The following PRR14L variants were observed in gnomAD, a reference collection of about 807,000 sequenced individuals.
PRR14L encodes proline rich 14 like, also known as protein PRR14L.
PRR14L carries 80 observed loss-of-function variants against 155.0 expected under a neutral mutation model. That is an observed-to-expected ratio of 0.52 (90% CI 0.43 to 0.62). PRR14L has a LOEUF of 0.62. PRR14L is among the 20% of genes least tolerant of loss of function. The pLI is 0.00. For synonymous variants in PRR14L, 883 were observed against 916.0 expected (o/e 0.96, Z 0.65); for missense variants, 2,469 against 2,548.0 (o/e 0.97, Z 0.67).
At chr22:31,735,065 T>C (rs1189871860) in intron 2 of PRR14L, among the ~76,000 whole-genome samples, 1 of 152,248 alleles carries the variant, frequency 6.6e-6, no homozygotes, top group South Asian at 2.1e-4. Flanking sequence ...TTTATATCAA[T>C]TAAATTTCAT....
At chr22:31,706,450 A>C (rs1332864965) in intron 4 of PRR14L, among the ~76,000 whole-genome samples, 1 of 115,794 alleles carries the variant, frequency 8.6e-6, no homozygotes, top group Non-Finnish European at 1.8e-5. Flanking sequence ...TTTGAGACGG[A>C]GTCTCACTTT....
At chr22:31,734,318 C>T (rs1345783199) in intron 2 of PRR14L, among the ~76,000 whole-genome samples, 1 of 152,176 alleles carries the variant, frequency 6.6e-6, no homozygotes, top group African/African-American at 2.4e-5. Context: ...TTCCTCAATT[C>T]AAGAGTTCTT....
intron 3 of PRR14L, among the ~76,000 whole-genome samples, chr22:31,724,277 C>T (rs953024516): frequency 2.6e-5 from 4 of 152,182 alleles, no homozygotes; most frequent in African/African-American, 9.7e-5. Flanking sequence ...ACAATAAATG[C>T]AATGCACTTG....
chr22:31,693,964 T>C (rs1330313363), intron 7 of PRR14L, among the ~76,000 whole-genome samples: 1 of 152,224 alleles, frequency 6.6e-6, no homozygotes, highest in Non-Finnish European at 1.5e-5. Flanking sequence ...TCAACCCACT[T>C]GTATTTCTTT....
At chr22:31,731,123 A>G (rs2074746831) in intron 2 of PRR14L, among the ~76,000 whole-genome samples, 1 of 152,044 alleles carries the variant, frequency 6.6e-6, no homozygotes, top group Non-Finnish European at 1.5e-5. Flanking sequence ...TGGAACAGCC[A>G]TTTCTCCAAG....
intron 7 of PRR14L, among the ~76,000 whole-genome samples, chr22:31,692,869 G>T (rs748885265): frequency 7.2e-5 from 11 of 151,780 alleles, no homozygotes; most frequent in Admixed American, 3.3e-4. Flanking sequence ...TGAACTCCTG[G>T]GCTCAAGCAT....
intron 7 of PRR14L, among the ~76,000 whole-genome samples, chr22:31,698,216 G>GT (rs2074544885): frequency 6.6e-6 from 1 of 151,948 alleles, no homozygotes; most frequent in Admixed American, 6.6e-5. Context: ...GTAGAGACAG[G>GT]TTTTCACTAT....
rs2074664945 is a variant in PRR14L at position 31,717,157 on chromosome 22, A to G, written c.682T>C (p.Cys228Arg). The part of the protein sequence containing the change: ...GNVSKDLSAG[C>R]GEFQEVDKIM... ...TTGTCTACTTCTTGGAATTCACCGC[A>G]TCCAGCTGAGAGATCTTTACTCACA... is the stretch of plus-strand genomic sequence containing the variant. Residue 228 changes from cysteine to arginine, a missense_variant, in exon 4 of 9, where the codon TGC becomes CGC. Coordinates refer to ENST00000327423, the MANE Select transcript of PRR14L (RefSeq NM_173566.3). 2 of 1,552,270 alleles carry G rather than the reference A, an allele frequency of 1.3e-6. No homozygotes were observed. The highest frequency in any genetic ancestry group is 1.7e-6 in the Non-Finnish European group (2 of 1,147,114).
In PRR14L at chr22:31,717,259, G is replaced by C. The variant is rs1054149719; in HGVS notation, c.580C>G (p.Leu194Val). ...ATACCTTGTACTTCGGCGGATTTTA[G>C]CAGAGTTTCAGCTGTAATCTGTACA... Reference protein sequence around the residue: ...GNVQITAETLLKSAEVQGMKV... With the variant: ...GNVQITAETLVKSAEVQGMKV... Residue 194 changes from leucine (L) to valine (V), a missense_variant, in exon 4 of 9, where the codon CTA becomes GTA. Leu to Val is a conservative substitution (Grantham distance 32). This residue lies in a region of PRR14L where 2,363 missense variants were observed against 2,371.6 expected (regional missense o/e 1.00). Transcript: ENST00000327423. 6.4e-7 allele frequency: 1 copy of C among 1,550,948 alleles called. No individual in the cohort carries two copies. Among genetic ancestry groups the C allele is most frequent in the South Asian group, 1.2e-5 (1 of 83,926 alleles).
intron 7 of PRR14L, among the ~76,000 whole-genome samples, chr22:31,695,349 G>A (rs2074530482): frequency 1.3e-5 from 2 of 152,168 alleles, no homozygotes; most frequent in Non-Finnish European, 2.9e-5. Flanking sequence ...AATGCAGGTG[G>A]AAGGGAGCTT....
intron 8 of PRR14L, among the ~76,000 whole-genome samples, chr22:31,687,540 A>G (rs1245956569): frequency 6.7e-6 from 1 of 148,170 alleles, no homozygotes; most frequent in Non-Finnish European, 1.5e-5. Context: ...TTTTTAGTAG[A>G]GACAGGGTTC....
chr22:31,748,930 C>T (rs1160142061), intron 1 of PRR14L, among the ~76,000 whole-genome samples: 1 of 152,124 alleles, frequency 6.6e-6, no homozygotes, highest in Admixed American at 6.6e-5. Context: ...CTTTCTCTAA[C>T]CCCTAAGTGG....
At chr22:31,689,981 A>G (rs1214914807) in intron 7 of PRR14L, among the ~76,000 whole-genome samples, 1 of 151,454 alleles carries the variant, frequency 6.6e-6, no homozygotes, top group Non-Finnish European at 1.5e-5. Context: ...CAGTTGTGCA[A>G]TCTCGGCTCA....
At chr22:31,747,440 T>C (rs1350951469) in intron 1 of PRR14L, among the ~76,000 whole-genome samples, 1 of 150,560 alleles carries the variant, frequency 6.6e-6, no homozygotes, top group African/African-American at 2.5e-5. Context: ...ACTGCTGGTC[T>C]CTTCATCAGG....
chr22:31,704,822 CAAG>C (rs140156192), intron 4 of PRR14L, 96 bp from the exon 5 acceptor site: 27,839 of 793,518 alleles, frequency 0.035, 673 homozygotes, highest in South Asian at 0.055. Context: ...ATGATAGCCC[CAAG>C]AAGACAAGAA....
At chr22:31,739,762 T>C (rs988094139) in intron 1 of PRR14L, among the ~76,000 whole-genome samples, 3 of 152,238 alleles carry the variant, frequency 2.0e-5, no homozygotes, top group Admixed American at 6.5e-5. Flanking sequence ...GTTTCATTTC[T>C]TGCAGTGAAT....
chr22:31,733,445 C>T (rs890736797), intron 2 of PRR14L, among the ~76,000 whole-genome samples: 10 of 151,234 alleles, frequency 6.6e-5, no homozygotes, highest in Admixed American at 3.3e-4. Context: ...GTTTGGATTA[C>T]GGCCATGCAT....
At chr22:31,738,235 T>G (rs1240361366) in intron 2 of PRR14L, among the ~76,000 whole-genome samples, 152 bp downstream of exon 2, 3 of 152,224 alleles carry the variant, frequency 2.0e-5, no homozygotes, top group Non-Finnish European at 4.4e-5. Context: ...CATAAATGTT[T>G]TAAAAGATCA....
rs186332646 is a variant in PRR14L, at chr22:31,714,113, A to G, written c.3726T>C (p.Pro1242=). 6.4e-7 allele frequency: 1 copy of G among 1,550,586 alleles called. No individual in the cohort carries two copies. The highest frequency in any genetic ancestry group is 1.7e-4 in the Middle Eastern group (1 of 5,990). The change falls in exon 4 of 9, where the codon CCT becomes CCC. Residue 1242 remains proline (P), a synonymous_variant. Coordinates refer to ENST00000327423, the MANE Select transcript of PRR14L (RefSeq NM_173566.3). ...CATTAGTTTCTGAATTTTCTTGAGA[A>G]GGCATTATTTCAATGGATTTCAGGC... ...LRSLKSIEIM[P]SQENSETNVN...
Sources: allele counts gnomAD v4.1 joint callset (sites outside exome capture counted in the v4.1 genomes callset), GRCh38; gene constraint gnomAD v4.1.1; regional missense constraint gnomAD v4.1.1; transcripts MANE v1.5; gene names NCBI Gene and HGNC (gene_info 2026-07-23, HGNC 2026-07-21).